Variants in TYW1 observed in about 807,000 individuals in gnomAD.
TYW1 encodes the protein S-adenosyl-L-methionine-dependent tRNA 4-demethylwyosine synthase TYW1.
Under a neutral mutation model 96.2 loss-of-function variants are expected in TYW1, and 46 were observed. That is an observed-to-expected ratio of 0.48 (90% CI 0.38 to 0.61). The LOEUF is 0.61. Ranked by LOEUF, TYW1 falls within the 20% of genes least tolerant of loss-of-function variation. The pLI is 0.00. For missense variants in TYW1, 684 were observed against 909.6 expected, an observed-to-expected ratio of 0.75 and a Z score of 3.19; for synonymous variants, 274 against 323.0, an observed-to-expected ratio of 0.85 and a Z score of 1.63.
At chr7:67,056,062 C>A (rs1795505481) in intron 9 of TYW1, among the ~76,000 whole-genome samples, 175 bp downstream of exon 9, 1 of 152,194 alleles carries the variant, frequency 6.6e-6, no homozygotes, top group African/African-American at 2.4e-5. Flanking sequence ...CCTATATTCA[C>A]CAACTCCAAT....
chr7:67,157,478 G>A (rs1799019584), intron 13 of TYW1, among the ~76,000 whole-genome samples: 1 of 152,072 alleles, frequency 6.6e-6, no homozygotes, highest in African/African-American at 2.4e-5. Context: ...TAGAGATGGG[G>A]TTCCACTATA....
At chr7:67,222,984 T>C (rs1228264412) in intron 15 of TYW1, among the ~76,000 whole-genome samples, 1 of 152,074 alleles carries the variant, frequency 6.6e-6, no homozygotes, top group East Asian at 1.9e-4. Context: ...GAATTTTTCA[T>C]TTCAGTTATT....
chr7:67,030,509 G>A (rs1794636932), intron 7 of TYW1, among the ~76,000 whole-genome samples: 1 of 152,200 alleles, frequency 6.6e-6, no homozygotes, highest in Admixed American at 6.5e-5. Flanking sequence ...GTACGTGCCT[G>A]TAATCCCAGC....
At chr7:67,096,774 C>T (rs1796934339) in intron 11 of TYW1, among the ~76,000 whole-genome samples, 1 of 152,176 alleles carries the variant, frequency 6.6e-6, no homozygotes, top group African/African-American at 2.4e-5. Context: ...TGTCATTCCC[C>T]TCTATGTGTT....
At chr7:67,133,614 CAAAAAAAAAA>C (rs1224801455) in intron 13 of TYW1, among the ~76,000 whole-genome samples, 2 of 56,864 alleles carry the variant, frequency 3.5e-5, no homozygotes, top group Non-Finnish European at 7.0e-5. Flanking sequence ...GTTTCCATCT[CAAAAAAAAAA>C]AAAAAGAAAA....
chr7:67,134,447 C>T (rs1798182099), intron 13 of TYW1, among the ~76,000 whole-genome samples: 1 of 151,632 alleles, frequency 6.6e-6, no homozygotes, highest in Admixed American at 6.6e-5. Flanking sequence ...GAGGCTGAGG[C>T]AGGAGAATCG....
At chr7:67,079,169 GAGGTGTGT>G (rs1407915308) in intron 10 of TYW1, among the ~76,000 whole-genome samples, 1 of 110,070 alleles carries the variant, frequency 9.1e-6, no homozygotes, top group African/African-American at 3.2e-5. Flanking sequence ...ATTCGTGTGA[GAGGTGTGT>G]GTGTGTGTGT....
chr7:67,182,426 TG>T (rs1799870336), intron 13 of TYW1, among the ~76,000 whole-genome samples: 1 of 152,036 alleles, frequency 6.6e-6, no homozygotes, highest in Non-Finnish European at 1.5e-5. Context: ...TAGCCAGGCG[TG>T]ATGACGTGTG....
chr7:67,195,115 C>G, intron 14 of TYW1, 55 bp from the exon 15 acceptor site: 2 of 1,567,882 alleles, frequency 1.3e-6, no homozygotes, highest in Non-Finnish European at 1.7e-6. Context: ...AAGTCTTCTT[C>G]TATGACATGC....
intron 13 of TYW1, among the ~76,000 whole-genome samples, chr7:67,164,212 T>A (rs1286120706): frequency 6.6e-6 from 1 of 152,192 alleles, no homozygotes; most frequent in African/African-American, 2.4e-5. Flanking sequence ...TTTTAAAAAA[T>A]TCATTTAAAT....
intron 15 of TYW1, among the ~76,000 whole-genome samples, chr7:67,201,777 G>A (rs10081382): frequency 0.18 from 26,717 of 152,126 alleles, 2,735 homozygotes; most frequent in African/African-American, 0.28. Flanking sequence ...ATACCCTAAC[G>A]TGGAGGTTTC....
Position 67,083,453 on chromosome 7 carries a change from C to G in TYW1, c.1298C>G (p.Thr433Ser), listed in dbSNP as rs1329780597. Residue 433 changes from threonine (T) to serine (S), a missense_variant, in exon 11 of 16, where the codon ACT becomes AGT. Physicochemically the swap from Thr to Ser is moderately conservative, Grantham distance 58. Coordinates refer to ENST00000359626, the MANE Select transcript of TYW1 (RefSeq NM_018264.4). Reference sequence around the variant, plus strand: ...AGGCACCACACCAACCCCGTGGGCACTGAGTGGCGGTGGAAGATGGACCAG... The same window carrying G: ...AGGCACCACACCAACCCCGTGGGCAGTGAGTGGCGGTGGAAGATGGACCAG... ...CWRHHTNPVG[T>S]EWRWKMDQPE... 6.2e-7 allele frequency: 1 copy of G among 1,614,146 alleles called. No individual in the cohort carries two copies. The highest frequency in any genetic ancestry group is 1.7e-5 in the Admixed American group (1 of 60,012).
Position 67,185,514 on chromosome 7 carries a change from A to T in TYW1, c.1809+2278A>T, listed in dbSNP as rs1433999759. Among the ~76,000 whole-genome samples, 5 of 152,370 alleles carry T rather than the reference A, an allele frequency of 3.3e-5. No homozygotes were observed. In the East Asian group the frequency reaches 9.7e-4, roughly 29 times the overall value. On this transcript the variant is annotated intron_variant, in intron 14 of 15. Coordinates refer to ENST00000359626, the MANE Select transcript of TYW1 (RefSeq NM_018264.4). ...AGATTATAGGTACGGGCTGAAAGAA[A>T]AAAGAATCAAGAATAGCACCTGGGT...
chr7:67,232,266 A>G (rs1801771832), intron 15 of TYW1, among the ~76,000 whole-genome samples: 1 of 150,642 alleles, frequency 6.6e-6, no homozygotes, highest in Non-Finnish European at 1.5e-5. Flanking sequence ...TTATCCCTCT[A>G]TCATGTTAGA....
intron 13 of TYW1, among the ~76,000 whole-genome samples, chr7:67,153,794 A>T (rs1798878695): frequency 6.6e-6 from 1 of 152,126 alleles, no homozygotes. Context: ...CATACTGCCT[A>T]CAAGTTGCTT....
At chr7:67,134,326 C>A (rs373958035) in intron 13 of TYW1, among the ~76,000 whole-genome samples, 2 of 151,730 alleles carry the variant, frequency 1.3e-5, no homozygotes, top group East Asian at 3.9e-4. Context: ...GTGGATCACT[C>A]GAGGTCAGGA....
In TYW1 at chr7:67,183,339, A is replaced by T. The variant is rs535334473; in HGVS notation, c.1809+103A>T. On this transcript the variant is annotated intron_variant, in intron 14 of 15. Coordinates refer to ENST00000359626, the MANE Select transcript of TYW1 (RefSeq NM_018264.4). ...AACCTTGTAAAACTCTAGAGGTCCC[A>T]GGAATTTTATTGATGTATTCATTTC... 1.9e-5 allele frequency: 19 copies of T among 976,066 alleles called. No homozygotes were observed. In the South Asian group the frequency reaches 3.3e-4, roughly 17 times the overall value. 60.5% of individuals were successfully genotyped at this position (976,066 alleles called of 1,614,324 possible).
At chr7:67,024,666 A>G (rs1456517929) in intron 6 of TYW1, among the ~76,000 whole-genome samples, 1 of 151,898 alleles carries the variant, frequency 6.6e-6, no homozygotes, top group Non-Finnish European at 1.5e-5. Context: ...CTGTGATCCT[A>G]GCTACTTGGG....
chr7:67,206,492 G>A (rs1439986554), intron 15 of TYW1, among the ~76,000 whole-genome samples: 4 of 152,168 alleles, frequency 2.6e-5, no homozygotes, highest in African/African-American at 7.2e-5. Flanking sequence ...TTAGCTGGGT[G>A]TGGTGGCTGG....
Sources: gnomAD v4.1 joint callset for allele counts (sites outside exome capture counted in the v4.1 genomes callset) on GRCh38, gnomAD v4.1.1 for gene constraint, MANE v1.5 for transcripts, NCBI Gene and HGNC (gene_info 2026-07-23, HGNC 2026-07-21) for gene names.